The following ANKRD44 variants were observed in gnomAD, a reference collection of about 807,000 sequenced individuals.
ANKRD44 encodes serine/threonine-protein phosphatase 6 regulatory ankyrin repeat subunit B.
In ANKRD44, 35 loss-of-function variants were observed where a neutral mutation model predicts 116.0. The observed-to-expected ratio is 0.30, with a 90% CI of 0.23 to 0.40. The LOEUF (loss-of-function observed/expected upper bound fraction) is 0.40. Ranked by LOEUF, ANKRD44 falls within the 10% of genes least tolerant of loss-of-function variation. The pLI is 1.00. For synonymous variants in ANKRD44, 435 were observed against 461.8 expected (o/e 0.94, Z 0.74); for missense variants, 1,014 against 1,242.6 (o/e 0.82, Z 2.77).
intron 16 of ANKRD44, among the ~76,000 whole-genome samples, chr2:197,076,016 A>G (rs1210663116): frequency 6.6e-6 from 1 of 152,228 alleles, no homozygotes; most frequent in Non-Finnish European, 1.5e-5. Context: ...TCCAGCGCCC[A>G]GAGGACAAAG....
At chr2:197,084,009 C>A (rs566946620) in intron 13 of ANKRD44, among the ~76,000 whole-genome samples, 2 of 152,040 alleles carry the variant, frequency 1.3e-5, no homozygotes, top group Non-Finnish European at 1.5e-5. Context: ...GCTTCCTTAG[C>A]GCTAATCAAG....
chr2:197,000,426 T>C lies in ANKRD44; in HGVS notation c.2512A>G (p.Lys838Glu), dbSNP rs1409950985. Residue 838 changes from lysine (K) to glutamate (E), a missense_variant, in exon 23 of 28, where the codon AAA (lysine) becomes GAA (glutamate). By Grantham distance (56) the Lys-to-Glu change is moderately conservative. Transcript: ENST00000282272. ...DSSIVSCRDDKGRTPLHAAAF... is the reference protein window; with the variant it reads ...DSSIVSCRDDEGRTPLHAAAF... Reference sequence around the variant, plus strand: ...CTGTTTTAGATTACTTACCTGCCTTTGTCATCTCTACAACTGACGATACTG... The same window carrying C: ...CTGTTTTAGATTACTTACCTGCCTTCGTCATCTCTACAACTGACGATACTG... 1.9e-6 allele frequency: 3 copies of C among 1,613,792 alleles called. No homozygotes were observed. The highest frequency in any genetic ancestry group is 2.5e-6 in the Non-Finnish European group (3 of 1,179,704).
downstream of ANKRD44, among the ~76,000 whole-genome samples, chr2:196,982,402 G>C: frequency 6.6e-6 from 1 of 152,250 alleles, no homozygotes; most frequent in Non-Finnish European, 1.5e-5. Context: ...ATAGCAGGCT[G>C]TTTCCTTGGA....
intron 16 of ANKRD44, among the ~76,000 whole-genome samples, chr2:197,066,159 C>T (rs986877389): frequency 3.3e-5 from 5 of 152,098 alleles, no homozygotes; most frequent in Non-Finnish European, 7.4e-5. Flanking sequence ...AAACATAATC[C>T]AGCATATAAA....
chr2:197,201,558 C>A lies in ANKRD44; in HGVS notation c.28-14452G>T, dbSNP rs1260167731. Reference sequence around the variant, plus strand: ...TCACCAACAATCCCCCTGACGTTGGCTCTGAATGATGTGGAGACCCTGTTA... The same window carrying A: ...TCACCAACAATCCCCCTGACGTTGGATCTGAATGATGTGGAGACCCTGTTA... On this transcript the variant is annotated intron_variant, in intron 1 of 27. Coordinates refer to ENST00000282272, the MANE Select transcript of ANKRD44 (RefSeq NM_001195144.2). This position sits in a 1 kb window ranked among gnomAD's most constrained non-coding sequence, Gnocchi z 4.0. Among the ~76,000 whole-genome samples, 1 of 152,302 alleles carries A rather than the reference C, an allele frequency of 6.6e-6. No individual in the cohort carries two copies. Among genetic ancestry groups the A allele is most frequent in the East Asian group, 1.9e-4 (1 of 5,182 alleles).
At chr2:196,982,108 T>TTATATATATATATATATATATA (rs58816698), downstream of ANKRD44, among the ~76,000 whole-genome samples, 808 of 96,358 alleles carry the variant, frequency 8.4e-3, 17 homozygotes, top group Non-Finnish European at 9.7e-3. Context: ...CTAAAAAAAA[T>TTATATATATATATATATATATA]TATATATATA....
In ANKRD44 at chr2:197,099,923, T is replaced by C. The variant is rs761049941; in HGVS notation, c.993A>G (p.Glu331=). 22 of 1,613,974 alleles carry C rather than the reference T, an allele frequency of 1.4e-5. No individual in the cohort carries two copies. The highest frequency in any genetic ancestry group is 1.7e-5 in the Non-Finnish European group (20 of 1,179,952). The change falls in exon 10 of 28, where the codon GAA becomes GAG. Residue 331 remains glutamate, a synonymous_variant. Transcript: ENST00000282272. ...RSQTLIQNGG[E]IDCVDKDGNT... ...TGCCGTCCTTATCCACACAGTCAAT[T>C]TCACCTCCTGAAAGAGATATTTTAA...
At chr2:197,239,740 T>G (rs1443749498) in intron 1 of ANKRD44, among the ~76,000 whole-genome samples, 1 of 152,208 alleles carries the variant, frequency 6.6e-6, no homozygotes, top group African/African-American at 2.4e-5. Context: ...AGACTTAACA[T>G]TTCACATTTT....
At chr2:197,177,450 C>T (rs1286738909) in intron 2 of ANKRD44, among the ~76,000 whole-genome samples, 6 of 152,060 alleles carry the variant, frequency 3.9e-5, no homozygotes, top group East Asian at 1.9e-4. Context: ...TGCTTGTCAC[C>T]GTGAGTAGTA....
chr2:197,304,311 C>T (rs938899214), intron 1 of ANKRD44, among the ~76,000 whole-genome samples: 2 of 151,828 alleles, frequency 1.3e-5, no homozygotes, highest in African/African-American at 4.8e-5. Flanking sequence ...GAGACTCTGT[C>T]CCAAAAAAAT....
At chr2:196,980,541 G>T (rs1333715550) in intron 21 of ANKRD44, among the ~76,000 whole-genome samples, 1 of 152,126 alleles carries the variant, frequency 6.6e-6, no homozygotes, top group African/African-American at 2.4e-5. Context: ...CAGCAATATA[G>T]AATTCCAATA....
chr2:197,150,279 TGGCTCACA>T (rs973087096), intron 2 of ANKRD44, among the ~76,000 whole-genome samples: 91 of 152,320 alleles, frequency 6.0e-4, no homozygotes, highest in Middle Eastern at 3.4e-3. Context: ...CTGGGCACGG[TGGCTCACA>T]CCTGTAATCC....
In ANKRD44 at chr2:196,989,525, T is replaced by C. The variant is rs78756495; in HGVS notation, c.*66A>G. On this transcript the variant is annotated 3_prime_UTR_variant, in exon 28 of 28. Coordinates refer to ENST00000282272, the MANE Select transcript of ANKRD44 (RefSeq NM_001195144.2). ...CTGATGAACTACACACACACACACA[T>C]ATATATATATATACACACGCACACA... The C allele has an allele frequency of 0.012, 6,005 of 494,358 alleles. 40 individuals carry two copies. The highest frequency in any genetic ancestry group is 0.068 in the African/African-American group (2,293 of 33,728). The allele number at this position is 494,358 out of a possible 1,614,324, so 30.6% of individuals were successfully genotyped here.
intron 21 of ANKRD44, among the ~76,000 whole-genome samples, chr2:196,976,357 G>A (rs10194359): frequency 0.11 from 17,408 of 151,840 alleles, 1,212 homozygotes; most frequent in African/African-American, 0.2. Flanking sequence ...TTTAATAGTG[G>A]GAGACTGGAT....
At chr2:197,165,290 C>A (rs1475400392) in intron 2 of ANKRD44, among the ~76,000 whole-genome samples, 2 of 152,206 alleles carry the variant, frequency 1.3e-5, no homozygotes, top group Non-Finnish European at 2.9e-5. Context: ...TAACAGGTCC[C>A]ATGACTGGAG....
chr2:197,056,493 T>G (rs771438304), intron 16 of ANKRD44, among the ~76,000 whole-genome samples: 1 of 152,184 alleles, frequency 6.6e-6, no homozygotes, highest in Non-Finnish European at 1.5e-5. Context: ...GTAAGTGATA[T>G]CTTTTTAAAA....
chr2:197,101,388 C>T (rs939279196), intron 9 of ANKRD44, among the ~76,000 whole-genome samples: 2 of 152,118 alleles, frequency 1.3e-5, no homozygotes, highest in African/African-American at 4.8e-5. Context: ...TGCGTGCTTC[C>T]CGCTCCATTT....
At chr2:197,176,823 T>C (rs2080375567) in intron 2 of ANKRD44, among the ~76,000 whole-genome samples, 1 of 152,050 alleles carries the variant, frequency 6.6e-6, no homozygotes, top group Admixed American at 6.6e-5. Flanking sequence ...AACCTCCTGG[T>C]AAAAAATCTT....
At chr2:197,222,541 T>C (rs1355326504) in intron 1 of ANKRD44, among the ~76,000 whole-genome samples, 1 of 152,158 alleles carries the variant, frequency 6.6e-6, no homozygotes, top group Non-Finnish European at 1.5e-5. Flanking sequence ...CTCTTCTCTG[T>C]TTTCCCCTTG....
Sources: allele counts gnomAD v4.1 joint callset (sites outside exome capture counted in the v4.1 genomes callset), GRCh38; gene constraint gnomAD v4.1.1; non-coding constraint Gnocchi (gnomAD v3.1); transcripts MANE v1.5; gene names NCBI Gene and HGNC (gene_info 2026-07-23, HGNC 2026-07-21).